The following ARID1B variants were observed in gnomAD, a reference collection of about 807,000 sequenced individuals.
ARID1B encodes the protein AT-rich interactive domain-containing protein 1B.
Under a neutral mutation model 212.3 loss-of-function variants are expected in ARID1B, and 30 were observed. The observed-to-expected ratio is 0.14, with a 90% CI of 0.11 to 0.19. ARID1B has a LOEUF of 0.19. Ranked by LOEUF, ARID1B falls within the 10% of genes least tolerant of loss-of-function variation. ARID1B has a pLI of 1.00. For synonymous variants in ARID1B, 1,402 were observed against 1,301.7 expected (o/e 1.08, Z -1.66); for missense variants, 2,891 against 3,204.0 (o/e 0.90, Z 2.36).
intron 4 of ARID1B, among the ~76,000 whole-genome samples, chr6:157,078,637 G>C (rs1232820207): frequency 6.6e-6 from 1 of 152,148 alleles, no homozygotes; most frequent in East Asian, 1.9e-4. Flanking sequence ...TCTAAGTTTA[G>C]GATGGCAACA....
chr6:157,186,613 C>A (rs990689177), intron 13 of ARID1B: 2 of 455,126 alleles, frequency 4.4e-6, no homozygotes, highest in Non-Finnish European at 9.2e-6. Flanking sequence ...TAAAATTATT[C>A]CCAACTATTG....
intron 4 of ARID1B, among the ~76,000 whole-genome samples, chr6:156,960,799 C>G (rs556144405): frequency 9.1e-5 from 11 of 120,910 alleles, no homozygotes; most frequent in African/African-American, 3.6e-4. Flanking sequence ...AGGCACAAAG[C>G]ACTTTACTGT....
chr6:157,103,831 CTT>C (rs869280492), intron 5 of ARID1B, among the ~76,000 whole-genome samples: 22,998 of 117,850 alleles, frequency 0.2, 1,726 homozygotes, highest in Admixed American at 0.23. Context: ...ATATTAACAA[CTT>C]TTTTTTTTTT....
chr6:157,166,611 A>G (rs145343638), intron 8 of ARID1B: 3 of 153,020 alleles, frequency 2.0e-5, no homozygotes, highest in African/African-American at 7.2e-5. Context: ...AAGTTTTTTT[A>G]AAAAACATTC....
chr6:156,832,527 A>C (rs970609773), intron 2 of ARID1B, among the ~76,000 whole-genome samples: 1 of 152,164 alleles, frequency 6.6e-6, no homozygotes, highest in Admixed American at 6.5e-5. Flanking sequence ...AGTTCATTTA[A>C]TATTGCTCGT....
intron 19 of ARID1B, chr6:157,204,748 T>A (rs570131316): frequency 1.3e-5 from 2 of 152,334 alleles, no homozygotes; most frequent in South Asian, 4.1e-4. Context: ...CCGAGTCCAC[T>A]GGGCTATAGA....
Position 157,207,940 on chromosome 6 carries a change from A to G in ARID1B, c.*49A>G, listed in dbSNP as rs753674523. Reference sequence around the variant, plus strand: ...GTGAGTGAAGATTAGAGGGTCACATATAACTGGCTGTTTTCTGTTCTTGTT... The same window carrying G: ...GTGAGTGAAGATTAGAGGGTCACATGTAACTGGCTGTTTTCTGTTCTTGTT... On this transcript the variant is annotated 3_prime_UTR_variant, in exon 20 of 20. Coordinates refer to ENST00000636930, the MANE Select transcript of ARID1B (RefSeq NM_001374828.1). This position sits in a 1 kb window ranked among gnomAD's most constrained non-coding sequence, Gnocchi z 8.5. The G allele has an allele frequency of 6.3e-6, 9 of 1,428,572 alleles. No individual in the cohort carries two copies. The East Asian group carries it at 7.0e-5, about 11-fold the overall frequency. 88.5% of individuals were successfully genotyped at this position (1,428,572 alleles called of 1,614,324 possible).
chr6:156,815,107 T>C (rs1432391546), intron 1 of ARID1B, among the ~76,000 whole-genome samples: 2 of 152,332 alleles, frequency 1.3e-5, no homozygotes, highest in Admixed American at 6.5e-5. Flanking sequence ...ATTCCTAAAA[T>C]TTCTGGTCAT....
chr6:157,194,896 G>A (rs943148227), intron 15 of ARID1B: 7 of 152,150 alleles, frequency 4.6e-5, no homozygotes, highest in African/African-American at 1.7e-4. Context: ...GAGGAAGGCA[G>A]GCAGATCACT....
At chr6:156,817,841 A>G (rs1782074646) in intron 1 of ARID1B, among the ~76,000 whole-genome samples, 1 of 151,992 alleles carries the variant, frequency 6.6e-6, no homozygotes. Context: ...TCTCAGAATC[A>G]TTTTTGAGAG....
intron 4 of ARID1B, among the ~76,000 whole-genome samples, chr6:156,961,236 A>C (rs746237844): frequency 8.1e-4 from 123 of 152,356 alleles, no homozygotes; most frequent in Admixed American, 1.4e-3. Flanking sequence ...AATGGAAACC[A>C]ATCCTGCAAC....
At chr6:156,838,784 A>G (rs747862505) in intron 2 of ARID1B, among the ~76,000 whole-genome samples, 1 of 151,982 alleles carries the variant, frequency 6.6e-6, no homozygotes, top group Non-Finnish European at 1.5e-5. Context: ...TATAATCAGT[A>G]TCATAATCAT....
At chr6:157,140,762 T>TGG (rs1361443107) in intron 7 of ARID1B, 1 of 397,616 alleles carries the variant, frequency 2.5e-6, no homozygotes, top group Non-Finnish European at 4.4e-6. Flanking sequence ...CACGTGTCCT[T>TGG]GGGGTCCGCC....
chr6:157,165,310 G>A (rs1189735643), intron 8 of ARID1B, among the ~76,000 whole-genome samples: 1 of 152,162 alleles, frequency 6.6e-6, no homozygotes, highest in African/African-American at 2.4e-5. Flanking sequence ...GCAGGCTAAA[G>A]TAATGCCCAT....
At chr6:156,923,834 A>G (rs1311005943) in intron 3 of ARID1B, among the ~76,000 whole-genome samples, 1 of 151,768 alleles carries the variant, frequency 6.6e-6, no homozygotes, top group Admixed American at 6.6e-5. Context: ...CAGCCTCCCA[A>G]GTAGCTGGGG....
At chr6:156,807,285 G>A (rs375416708) in intron 1 of ARID1B, among the ~76,000 whole-genome samples, 5 of 152,026 alleles carry the variant, frequency 3.3e-5, no homozygotes, top group African/African-American at 9.7e-5. Flanking sequence ...ACGTGGTGTC[G>A]GAAACGCCTT....
At chr6:156,838,953 C>T (rs1383679368) in intron 2 of ARID1B, among the ~76,000 whole-genome samples, 1 of 152,062 alleles carries the variant, frequency 6.6e-6, no homozygotes, top group Non-Finnish European at 1.5e-5. Flanking sequence ...GATCTTCAGG[C>T]ATCCCAATAG....
intron 9 of ARID1B, among the ~76,000 whole-genome samples, chr6:157,171,878 C>T (rs770741904): frequency 3.3e-5 from 5 of 152,184 alleles, no homozygotes; most frequent in African/African-American, 7.2e-5. Flanking sequence ...CGTTTGTGTA[C>T]GCTAGCACAT....
At chr6:156,986,892 A>G (rs897570846) in intron 4 of ARID1B, among the ~76,000 whole-genome samples, 19 of 152,130 alleles carry the variant, frequency 1.2e-4, no homozygotes, top group African/African-American at 4.1e-4. Flanking sequence ...TAATAAAACA[A>G]CATAGGCCGG....
Sources: gnomAD v4.1 joint callset for allele counts (sites outside exome capture counted in the v4.1 genomes callset) on GRCh38, gnomAD v4.1.1 for gene constraint, Gnocchi (gnomAD v3.1) non-coding constraint, MANE v1.5 for transcripts, NCBI Gene and HGNC (gene_info 2026-07-23, HGNC 2026-07-21) for gene names.